ECE2: variants seen among roughly 807,000 people sequenced by gnomAD.
The protein encoded by ECE2 is endothelin converting enzyme 2.
Under a neutral mutation model 100.6 loss-of-function variants are expected in ECE2, and 81 were observed. The observed-to-expected ratio is 0.81, with a 90% CI of 0.67 to 0.97. ECE2 has a LOEUF of 0.97. Ranked by LOEUF, ECE2 falls within the 50% of genes least tolerant of loss-of-function variation. The pLI, the probability that ECE2 is intolerant of heterozygous loss-of-function variation, is 0.00. For synonymous variants in ECE2, 391 were observed against 391.5 expected, an observed-to-expected ratio of 1.00 and a Z score of 0.02; for missense variants, 911 against 988.1, an observed-to-expected ratio of 0.92 and a Z score of 1.05.
chr3:184,291,604 G>T lies in ECE2; in HGVS notation c.2121+165G>T. On this transcript the variant is annotated intron_variant, in intron 18 of 18. Transcript: ENST00000404464. The surrounding 1 kb of genome is among the most constrained non-coding windows in gnomAD (Gnocchi z 4.1). ...GGCCCATGCCCAGAGCCTCCGGCCA[G>T]CCAGGGCCCACAAAGGCAGCCTGAA... 1 of 670,970 alleles carries T rather than the reference G, an allele frequency of 1.5e-6. No individual in the cohort carries two copies. The allele number at this position is 670,970 out of a possible 1,614,324, so 41.6% of individuals were successfully genotyped here. A position where few individuals can be genotyped will look rare whatever the true frequency, so the allele number is the denominator to read the frequency against.
intron 2 of ECE2, 136 bp from the exon 3 acceptor site, chr3:184,276,756 C>T (rs1230752111): frequency 6.4e-7 from 1 of 1,556,374 alleles, no homozygotes; most frequent in Non-Finnish European, 8.7e-7. Flanking sequence ...CAAGGCTCAA[C>T]TCACTGGCTG....
At chr3:184,280,716 C>T (rs1720783543) in intron 7 of ECE2, among the ~76,000 whole-genome samples, 1 of 151,966 alleles carries the variant, frequency 6.6e-6, no homozygotes, top group Non-Finnish European at 1.5e-5. Flanking sequence ...TGGTGGCTCT[C>T]ACCTGTAATC....
At chr3:184,285,418 T>C in intron 9 of ECE2, 60 bp from the exon 10 acceptor site, 1 of 1,315,160 alleles carries the variant, frequency 7.6e-7, no homozygotes, top group Non-Finnish European at 1.1e-6. Context: ...TGGGGGCTGG[T>C]TTGAGGGGTG....
rs368620301 is a variant in ECE2, at chr3:184,277,005, C to A, written c.240C>A (p.Ala80=). The A allele has an allele frequency of 1.2e-6, 2 of 1,613,902 alleles. No homozygotes were observed. Among genetic ancestry groups the A allele is most frequent in the Non-Finnish European group, 1.7e-6 (2 of 1,180,004 alleles). Residue 80 remains alanine (A), a synonymous_variant, in exon 3 of 19, where the codon GCC becomes GCA. Transcript: ENST00000404464. ...LAALLLGCLV[A]LGVQYHRDPS... is the part of the protein sequence containing the mutation. ...CACTGCTTCTGGGCTGCCTTGTGGC[C>A]CTAGGGGTCCAGTACCACAGAGGTA...
intron 11 of ECE2, 78 bp downstream of exon 11, chr3:184,288,025 CG>C (rs1721136430): frequency 6.5e-6 from 9 of 1,392,860 alleles, no homozygotes; most frequent in Non-Finnish European, 9.0e-6. Context: ...AGAAAAACAA[CG>C]GGAGCCAGGC....
chr3:184,288,359 A>G (rs1721163972), intron 11 of ECE2, among the ~76,000 whole-genome samples: 1 of 151,910 alleles, frequency 6.6e-6, no homozygotes, highest in African/African-American at 2.4e-5. Flanking sequence ...AACTGGATGT[A>G]AATTGATGAA....
chr3:184,288,524 T>C lies in ECE2; in HGVS notation c.1374+577T>C, dbSNP rs531784542. On this transcript the variant is annotated intron_variant, in intron 11 of 18. Transcript: ENST00000404464. ...GTATTACCTGTAAGGATGTTTATGG[T>C]TTTTATGGCAATGTTGTTTATAATA... Among the ~76,000 whole-genome samples the C allele has an allele frequency of 4.6e-5, 7 of 151,524 alleles. No individual in the cohort carries two copies. The East Asian group carries it at 1.2e-3, about 25-fold the overall frequency.
intron 10 of ECE2, among the ~76,000 whole-genome samples, chr3:184,286,758 T>C (rs1296763561): frequency 6.7e-6 from 1 of 148,640 alleles, no homozygotes; most frequent in Non-Finnish European, 1.5e-5. Context: ...GACTGCGTCA[T>C]TGCACTCCAG....
chr3:184,287,898 TG>T lies in ECE2; in HGVS notation c.1329del (p.Ser444ProfsTer4). On this transcript the variant is annotated frameshift_variant, in exon 11 of 19. Transcript: ENST00000404464. LOFTEE classifies it high-confidence loss of function. ...ACGGATGACGCCCTTGGCTTTGCTT[TG>T]GGGTCCCTCTTCGTGAAGGCCACGT... The part of the protein sequence containing the change: ...SNTDDALGFA[L>X]GSLFVKATFD... The T allele has an allele frequency of 6.2e-7, 1 of 1,614,210 alleles. No homozygotes were observed. The highest frequency in any genetic ancestry group is 8.5e-7 in the Non-Finnish European group (1 of 1,180,020).
At chr3:184,281,896 C>T (rs905882841) in intron 7 of ECE2, among the ~76,000 whole-genome samples, 1 of 152,138 alleles carries the variant, frequency 6.6e-6, no homozygotes, top group Non-Finnish European at 1.5e-5. Context: ...GTCAGGAGTT[C>T]GAGACCAGCT....
chr3:184,291,776 C>T lies in ECE2; in HGVS notation c.2122-286C>T, dbSNP rs569334882. 43 of 515,324 alleles carry T rather than the reference C, an allele frequency of 8.3e-5. No homozygotes were observed. The highest frequency in any genetic ancestry group is 2.7e-4 in the Admixed American group (8 of 29,736). The allele number at this position is 515,324 out of a possible 1,614,324, so 31.9% of individuals were successfully genotyped here. On this transcript the variant is annotated intron_variant, in intron 18 of 18. Transcript: ENST00000404464. This position sits in a 1 kb window ranked among gnomAD's most constrained non-coding sequence, Gnocchi z 4.1. ...GGGAGACATGCAGGAAACGAAAGCT[C>T]GGGACGCAGAGTGGCCTGTCCAGGG...
intron 7 of ECE2, among the ~76,000 whole-genome samples, chr3:184,280,149 T>C (rs1720757463): frequency 6.6e-6 from 1 of 152,018 alleles, no homozygotes. Flanking sequence ...CCTTGGGAAT[T>C]AGGGGTGTCT....
intron 2 of ECE2, 112 bp from the exon 3 acceptor site, chr3:184,276,780 C>T (rs538945419): frequency 9.0e-6 from 14 of 1,562,836 alleles, no homozygotes; most frequent in South Asian, 1.2e-5. Context: ...TCATTGCCCC[C>T]GGGCCCAGAG....
In ECE2 at chr3:184,278,209, T is replaced by C. The variant is rs1243585148; in HGVS notation, c.646T>C (p.Phe216Leu). The C allele has an allele frequency of 1.2e-6, 2 of 1,614,022 alleles. No homozygotes were observed. Among genetic ancestry groups the C allele is most frequent in the Non-Finnish European group, 1.7e-6 (2 of 1,180,016 alleles). ...TACGGGGCCCTGGGACCAGGACAAC[T>C]TTATGGAGGTGTTGAAGGCAGTAGC... is the stretch of plus-strand genomic sequence containing the variant. The part of the protein sequence containing the change: ...NITGPWDQDN[F>L]MEVLKAVAGT... Residue 216 changes from phenylalanine (F) to leucine (L), a missense_variant, in exon 6 of 19, where the codon TTT (phenylalanine) becomes CTT (leucine). Transcript: ENST00000404464.
At chr3:184,283,423 G>A (rs559734908) in intron 7 of ECE2, among the ~76,000 whole-genome samples, 40 of 151,474 alleles carry the variant, frequency 2.6e-4, no homozygotes, top group African/African-American at 9.0e-4. Flanking sequence ...TTAGCCAGGC[G>A]TGGTGGCACA....
chr3:184,285,892 A>G (rs1721017398), intron 10 of ECE2, among the ~76,000 whole-genome samples: 1 of 152,234 alleles, frequency 6.6e-6, no homozygotes, highest in African/African-American at 2.4e-5. Context: ...TGCACAGTAC[A>G]TGGTATGTAT....
Position 184,289,386 on chromosome 3 carries a change from C to T in ECE2, c.1375-51C>T. ...GGGCACCAAGGGTGGATGGGTGGGG[C>T]AGGGATGCATTCAGTGCAGGGGAAG... On this transcript the variant is annotated intron_variant, in intron 11 of 18. Coordinates refer to ENST00000404464, the MANE Select transcript of ECE2 (RefSeq NM_001100121.2). The surrounding 1 kb of genome is among the most constrained non-coding windows in gnomAD (Gnocchi z 4.1). 1 of 1,521,838 alleles carries T rather than the reference C, an allele frequency of 6.6e-7. No homozygotes were observed. Among genetic ancestry groups the T allele is most frequent in the Non-Finnish European group, 8.9e-7 (1 of 1,119,500 alleles). 94.3% of individuals were successfully genotyped at this position (1,521,838 alleles called of 1,614,324 possible). A position where few individuals can be genotyped will look rare whatever the true frequency, so the allele number is the denominator to read the frequency against.
At chr3:184,285,421 G>A (rs1720997488) in intron 9 of ECE2, 57 bp from the exon 10 acceptor site, 1 of 1,327,246 alleles carries the variant, frequency 7.5e-7, no homozygotes, top group South Asian at 1.2e-5. Flanking sequence ...GGGCTGGTTT[G>A]AGGGGTGTGA....
rs763136855 is a variant in ECE2 at position 184,277,394 on chromosome 3, G to A, written c.406G>A (p.Asp136Asn). Residue 136 changes from aspartate to asparagine, a missense_variant, in exon 4 of 19, where the codon GAT (aspartate) becomes AAT (asparagine). Physicochemically the swap from Asp to Asn is conservative, Grantham distance 23. Coordinates refer to ENST00000404464, the MANE Select transcript of ECE2 (RefSeq NM_001100121.2). ...CTGGATTCGGAGGAACCCCCTGCCC[G>A]ATGGGCGTTCTCGCTGGAACACCTT... ...GGWIRRNPLP[D>N]GRSRWNTFNS... is the part of the protein sequence containing the mutation. 7.4e-6 allele frequency: 12 copies of A among 1,614,116 alleles called. No individual in the cohort carries two copies. In the East Asian group the frequency reaches 1.3e-4, roughly 18 times the overall value.
Sources: gnomAD v4.1 joint callset for allele counts (sites outside exome capture counted in the v4.1 genomes callset) on GRCh38, gnomAD v4.1.1 for gene constraint, Gnocchi (gnomAD v3.1) non-coding constraint, MANE v1.5 for transcripts, NCBI Gene and HGNC (gene_info 2026-07-23, HGNC 2026-07-21) for gene names.